The following TGM1 variants were observed in gnomAD, a reference collection of about 807,000 sequenced individuals.
TGM1 encodes transglutaminase 1.
TGM1 carries 63 observed loss-of-function variants against 88.7 expected under a neutral mutation model. The ratio of observed to expected loss-of-function variants is 0.71; its 90% confidence interval spans 0.58 to 0.88. TGM1 has a LOEUF of 0.88. Ranked by LOEUF, TGM1 falls within the 40% of genes least tolerant of loss-of-function variation. TGM1 has a pLI of 0.00. For missense variants in TGM1, 996 were observed against 1,118.0 expected (o/e 0.89, Z 1.56); for synonymous variants, 415 against 431.1 (o/e 0.96, Z 0.46).
rs2040799586 is a variant in TGM1, at chr14:24,260,527, T to C, written c.680A>G (p.Gln227Arg). Residue 227 changes from glutamine (Q) to arginine (R), a missense_variant, in exon 4 of 15, where the codon CAA (glutamine) becomes CGA (arginine). By Grantham distance (43) the Gln-to-Arg change is conservative. Coordinates refer to ENST00000206765, the MANE Select transcript of TGM1 (RefSeq NM_000359.3). ...CAACTGGAACTCCCCAGCGTCTGAT[T>C]GTGTGCGGACTGTGAACTGAAACTT... ...IGKFQFTVRT[Q>R]SDAGEFQLPF... 1.2e-6 allele frequency: 2 copies of C among 1,614,214 alleles called. No individual in the cohort carries two copies. Among genetic ancestry groups the C allele is most frequent in the Non-Finnish European group, 1.7e-6 (2 of 1,180,020 alleles).
In TGM1 at chr14:24,255,595, G is replaced by T; in HGVS notation, c.1492-78C>A. The T allele has an allele frequency of 6.3e-7, 1 of 1,583,206 alleles. No individual in the cohort carries two copies. On this transcript the variant is annotated intron_variant, in intron 10 of 14. Coordinates refer to ENST00000206765, the MANE Select transcript of TGM1 (RefSeq NM_000359.3). The surrounding 1 kb of genome is among the most constrained non-coding windows in gnomAD (Gnocchi z 4.0). ...GCCTGACTCCCGGCCTCCTTCCCCT[G>T]ATCCCAGGAGCTATGGGACAGGGCT...
intron 9 of TGM1, 58 bp from the exon 10 acceptor site, chr14:24,256,135 G>C (rs557941082): frequency 1.4e-6 from 2 of 1,430,066 alleles, no homozygotes; most frequent in South Asian, 1.2e-5. Context: ...GGGCTCTTCA[G>C]ACCCTGGGTA....
Position 24,255,051 on chromosome 14 carries a change from G to A in TGM1, c.1848C>T (p.Leu616=). 6.2e-7 allele frequency: 1 copy of A among 1,614,174 alleles called. No individual in the cohort carries two copies. The highest frequency in any genetic ancestry group is 8.5e-7 in the Non-Finnish European group (1 of 1,180,046). Residue 616 remains leucine (L), a synonymous_variant, in exon 12 of 15, where the codon CTC becomes CTT. Transcript: ENST00000206765. The surrounding 1 kb of genome is among the most constrained non-coding windows in gnomAD (Gnocchi z 4.0). ...SRRTVKLHLY[L]SVTFYTGVSG... Reference sequence around the variant, plus strand: ...TGACACCAGTATAGAAAGTGACTGAGAGGTAGAGGTGCAGTTTCACTGTGC... The same window carrying A: ...TGACACCAGTATAGAAAGTGACTGAAAGGTAGAGGTGCAGTTTCACTGTGC...
chr14:24,249,590 G>A lies in TGM1; in HGVS notation c.2226-49C>T, dbSNP rs1453331484. ...GGCCTGGAGTAATTGGGGGTGGAGT[G>A]GGGAGTAAGAGCTGATCCAGGGCAG... On this transcript the variant is annotated intron_variant, in intron 14 of 14. Coordinates refer to ENST00000206765, the MANE Select transcript of TGM1 (RefSeq NM_000359.3). The A allele has an allele frequency of 5.2e-6, 8 of 1,531,994 alleles. No homozygotes were observed. In the South Asian group the frequency reaches 6.9e-5, roughly 13 times the overall value. 94.9% of individuals were successfully genotyped at this position (1,531,994 alleles called of 1,614,324 possible). A position where few individuals can be genotyped will look rare whatever the true frequency, so the allele number is the denominator to read the frequency against.
At position 24,258,355 on chromosome 14, in the gene TGM1, C is replaced by CT. The variant is rs398122903; in HGVS notation, c.1331dup (p.Arg445GlufsTer9). On this transcript the variant is annotated frameshift_variant, in exon 9 of 15. Coordinates refer to ENST00000206765, the MANE Select transcript of TGM1 (RefSeq NM_000359.3). LOFTEE classifies it high-confidence loss of function. Reference sequence around the variant, plus strand: ...CAAAGCCCGAGGGCAGATCCGGCCTCTTCATCCAGCAGTCGTTCCACACAT... The same window carrying CT: ...CAAAGCCCGAGGGCAGATCCGGCCTCTTTCATCCAGCAGTCGTTCCACACAT... The CT allele has an allele frequency of 6.2e-6, 10 of 1,614,034 alleles. No individual in the cohort carries two copies. The highest frequency in any genetic ancestry group is 8.5e-6 in the Non-Finnish European group (10 of 1,180,032).
chr14:24,259,321 C>A lies in TGM1; in HGVS notation c.985-72G>T, dbSNP rs1338464474. On this transcript the variant is annotated intron_variant, in intron 6 of 14. Transcript: ENST00000206765. This position sits in a 1 kb window ranked among gnomAD's most constrained non-coding sequence, Gnocchi z 5.7. ...GGACCTGCCATGTGGTCCATGGGGA[C>A]CAGCCGGGCCCCGATCCTGCAACCA... The A allele has an allele frequency of 6.8e-7, 1 of 1,468,460 alleles. No individual in the cohort carries two copies. The highest frequency in any genetic ancestry group is 1.4e-5 in the African/African-American group (1 of 71,534). 91.0% of individuals were successfully genotyped at this position (1,468,460 alleles called of 1,614,324 possible). A position where few individuals can be genotyped will look rare whatever the true frequency, so the allele number is the denominator to read the frequency against.
At position 24,262,267 on chromosome 14, in the gene TGM1, G is replaced by A. The variant is rs200873762; in HGVS notation, c.86C>T (p.Pro29Leu). The A allele has an allele frequency of 5.6e-6, 9 of 1,613,772 alleles. No individual in the cohort carries two copies. The highest frequency in any genetic ancestry group is 7.6e-6 in the Non-Finnish European group (9 of 1,180,022). The change falls in exon 2 of 15, where the codon CCA (proline) becomes CTA (leucine). Residue 29 changes from proline (P) to leucine (L), a missense_variant. Pro to Leu is a moderately conservative substitution (Grantham distance 98). Coordinates refer to ENST00000206765, the MANE Select transcript of TGM1 (RefSeq NM_000359.3). ...PPTTPSPEPE[P>L]EPDGRSRRGG... ...TCTGCGAGAGCGTCCGTCTGGCTCT[G>A]GCTCTGGCTCTGGAGATGGCGTGGT...
At chr14:24,262,485 T>A in intron 1 of TGM1, 131 bp from the exon 2 acceptor site, 1 of 948,320 alleles carries the variant, frequency 1.1e-6, no homozygotes. Context: ...CCAGAGATTC[T>A]CCAGACACAT....
intron 3 of TGM1, 131 bp downstream of exon 3, chr14:24,261,564 C>G: frequency 8.3e-7 from 1 of 1,199,530 alleles, no homozygotes; most frequent in South Asian, 1.2e-5. Flanking sequence ...CACCCACACA[C>G]TTGCACCTGC....
Position 24,262,067 on chromosome 14 carries a change from C to T in TGM1, c.286G>A (p.Gly96Ser), listed in dbSNP as rs547714904. 24 of 1,613,674 alleles carry T rather than the reference C, an allele frequency of 1.5e-5. No homozygotes were observed. Among genetic ancestry groups the T allele is most frequent in the East Asian group, 2.2e-5 (1 of 44,884 alleles). ...DSRRPVSRGS[G>S]VNAAGDGTIR... ...GTGCCATCTCCAGCTGCATTGACAC[C>T]GCTGCCCCGGGATACAGGCCGGCGG... The change falls in exon 2 of 15, where the codon GGT (glycine) becomes AGT (serine). Residue 96 changes from glycine (G) to serine (S), a missense_variant. Transcript: ENST00000206765.
chr14:24,249,451 G>A lies in TGM1; in HGVS notation c.2316C>T (p.Ser772=), dbSNP rs757658720. The A allele has an allele frequency of 6.2e-7, 1 of 1,614,072 alleles. No individual in the cohort carries two copies. The highest frequency in any genetic ancestry group is 8.5e-7 in the Non-Finnish European group (1 of 1,180,016). Residue 772 remains serine, a synonymous_variant, in exon 15 of 15, where the codon AGC becomes AGT. Transcript: ENST00000206765. The part of the protein sequence containing the change: ...GPRQLIASLD[S]PQLSQVHGVI... ...CACCGTGCACCTGGGAGAGCTGTGG[G>A]CTGTCCAAGCTGGCAATGAGCTGGC...
chr14:24,255,084 G>A lies in TGM1; in HGVS notation c.1815C>T (p.Ser605=), dbSNP rs1022267133. The part of the protein sequence containing the change: ...MVSVMLINHS[S]SRRTVKLHLY... ...GGTGCAGTTTCACTGTGCGGCGGCT[G>A]CTGCTGTGATTGATCAGCATCACAG... The change falls in exon 12 of 15, where the codon AGC becomes AGT. Residue 605 remains serine (S), a synonymous_variant. Coordinates refer to ENST00000206765, the MANE Select transcript of TGM1 (RefSeq NM_000359.3). The surrounding 1 kb of genome is among the most constrained non-coding windows in gnomAD (Gnocchi z 4.0). 16 of 1,614,188 alleles carry A rather than the reference G, an allele frequency of 9.9e-6. No individual in the cohort carries two copies. The highest frequency in any genetic ancestry group is 1.4e-5 in the Non-Finnish European group (16 of 1,180,052).
rs1420570518 is a variant in TGM1 at position 24,255,141 on chromosome 14, C to G, written c.1758G>C (p.Gln586His). Reference protein sequence around the residue: ...AEDVAMQVEAQDAVMGQDLMV... With the variant: ...AEDVAMQVEAHDAVMGQDLMV... ...TCAGATCCTGCCCCATCACCGCGTC[C>G]TGTGCCTCCACCTGCATGGCCACAT... The change falls in exon 12 of 15, where the codon CAG (glutamine) becomes CAC (histidine). Residue 586 changes from glutamine to histidine, a missense_variant. Physicochemically the swap from Gln to His is conservative, Grantham distance 24. Coordinates refer to ENST00000206765, the MANE Select transcript of TGM1 (RefSeq NM_000359.3). This position sits in a 1 kb window ranked among gnomAD's most constrained non-coding sequence, Gnocchi z 4.0. 1.2e-6 allele frequency: 2 copies of G among 1,614,016 alleles called. No homozygotes were observed. Among genetic ancestry groups the G allele is most frequent in the African/African-American group, 2.7e-5 (2 of 74,934 alleles).
chr14:24,252,283 A>C (rs2040707315), intron 14 of TGM1, among the ~76,000 whole-genome samples: 1 of 152,224 alleles, frequency 6.6e-6, no homozygotes, highest in Admixed American at 6.5e-5. Context: ...TTAAGAAACC[A>C]TCATCCAACC....
intron 14 of TGM1, among the ~76,000 whole-genome samples, chr14:24,252,170 A>G (rs751201192): frequency 1.3e-4 from 20 of 152,220 alleles, no homozygotes; most frequent in Non-Finnish European, 2.4e-4. Flanking sequence ...TACCTGAACC[A>G]ACAGCTCAGA....
At position 24,249,251 on chromosome 14, in the gene TGM1, C is replaced by T. The variant is rs2040678546; in HGVS notation, c.*62G>A. ...TCCTGGGGAGCTGCTCTGTAGTGTG[C>T]CCCTATCTTGGGGCAATGTCCTTGC... On this transcript the variant is annotated 3_prime_UTR_variant, in exon 15 of 15. Transcript: ENST00000206765. The T allele has an allele frequency of 1.3e-6, 2 of 1,508,622 alleles. No individual in the cohort carries two copies. Among genetic ancestry groups the T allele is most frequent in the South Asian group, 1.1e-5 (1 of 88,500 alleles). 93.5% of individuals were successfully genotyped at this position (1,508,622 alleles called of 1,614,324 possible).
chr14:24,254,189 C>T lies in TGM1; in HGVS notation c.2188G>A (p.Gly730Ser), dbSNP rs777789166. Residue 730 changes from glycine (G) to serine (S), a missense_variant, in exon 14 of 15, where the codon GGC becomes AGC. Gly to Ser is a moderately conservative substitution (Grantham distance 56). Transcript: ENST00000206765. ...ATCTTGGGCCTCTGTAACCCAGAGC[C>T]TTCGAGCCGGAAGACGACATTGGTG... ...TLTNVVFRLE[G>S]SGLQRPKILN... is the part of the protein sequence containing the mutation. The T allele has an allele frequency of 6.8e-6, 11 of 1,613,524 alleles. No homozygotes were observed. In the Admixed American group the frequency reaches 1.7e-4, roughly 24 times the overall value.
chr14:24,257,143 A>T (rs1279501266), intron 9 of TGM1, among the ~76,000 whole-genome samples: 1 of 152,198 alleles, frequency 6.6e-6, no homozygotes, highest in Admixed American at 6.5e-5. Flanking sequence ...CTGTTTCAGC[A>T]TCACAGGCAT....
chr14:24,258,804 G>C, intron 7 of TGM1, 131 bp from the exon 8 acceptor site: 1 of 1,383,546 alleles, frequency 7.2e-7, no homozygotes, highest in South Asian at 1.4e-5. Flanking sequence ...TCAGGGCCAC[G>C]GGGGCCACAA....
Sources: gnomAD v4.1 joint callset for allele counts (sites outside exome capture counted in the v4.1 genomes callset) on GRCh38, gnomAD v4.1.1 for gene constraint, Gnocchi (gnomAD v3.1) non-coding constraint, MANE v1.5 for transcripts, NCBI Gene and HGNC (gene_info 2026-07-23, HGNC 2026-07-21) for gene names.